Variants in RIMS1 observed in about 807,000 individuals in gnomAD.
RIMS1 encodes the protein regulating synaptic membrane exocytosis protein 1.
A neutral mutation model predicts 214.1 loss-of-function variants in RIMS1; 83 were observed. The ratio of observed to expected loss-of-function variants is 0.39; its 90% confidence interval spans 0.32 to 0.47. The LOEUF is 0.47. Ranked by LOEUF, RIMS1 falls within the 20% of genes least tolerant of loss-of-function variation. RIMS1 has a pLI of 0.99. For synonymous variants in RIMS1, 793 were observed against 786.8 expected (o/e 1.01, Z -0.13); for missense variants, 2,050 against 2,161.8 (o/e 0.95, Z 1.03).
At chr6:72,317,770 A>G (rs557579427) in intron 28 of RIMS1, among the ~76,000 whole-genome samples, 2 of 152,246 alleles carry the variant, frequency 1.3e-5, no homozygotes, top group East Asian at 3.9e-4. Flanking sequence ...TATTATCTAC[A>G]CTGTTCCGAA....
chr6:71,988,459 G>C (rs1800666626), intron 2 of RIMS1, among the ~76,000 whole-genome samples: 3 of 152,026 alleles, frequency 2.0e-5, no homozygotes, highest in Admixed American at 2.0e-4. Flanking sequence ...AAAAACTTGT[G>C]TGTTCTCATT....
At chr6:72,262,095 A>G (rs1440398580) in intron 19 of RIMS1, 6 of 984,908 alleles carry the variant, frequency 6.1e-6, no homozygotes, top group Non-Finnish European at 6.0e-6. Flanking sequence ...TTATATTTTA[A>G]GCTACTTAGT....
chr6:71,924,714 G>A (rs1021012486), intron 1 of RIMS1, among the ~76,000 whole-genome samples: 4 of 149,286 alleles, frequency 2.7e-5, no homozygotes, highest in Non-Finnish European at 5.9e-5. Flanking sequence ...GGCTCAGGTT[G>A]GAGGATGGTT....
At position 72,037,295 on chromosome 6, in the gene RIMS1, C is replaced by T. The variant is rs530522818; in HGVS notation, c.246-59654C>T. Among the ~76,000 whole-genome samples, 3 of 151,572 alleles carry T rather than the reference C, an allele frequency of 2.0e-5. No individual in the cohort carries two copies. In the East Asian group the frequency reaches 5.8e-4, roughly 29 times the overall value. ...AGTGGCATTTGGGGGCGTGTATAGGCAGGCATTAAAAAAAAGAGTTGGATA... is the reference window on the plus strand; with the variant it reads ...AGTGGCATTTGGGGGCGTGTATAGGTAGGCATTAAAAAAAAGAGTTGGATA... On this transcript the variant is annotated intron_variant, in intron 2 of 33. Coordinates refer to ENST00000521978, the MANE Select transcript of RIMS1 (RefSeq NM_014989.7).
chr6:72,385,763 A>G (rs1220956073), intron 29 of RIMS1, among the ~76,000 whole-genome samples: 1 of 152,236 alleles, frequency 6.6e-6, no homozygotes, highest in Non-Finnish European at 1.5e-5. Context: ...CCAGATTTAC[A>G]GTTTCCACAT....
At chr6:72,128,945 G>A (rs2040024028) in intron 4 of RIMS1, among the ~76,000 whole-genome samples, 1 of 152,112 alleles carries the variant, frequency 6.6e-6, no homozygotes, top group South Asian at 2.1e-4. Context: ...ATTGCATACA[G>A]TAATTCCAGA....
chr6:72,369,230 G>A (rs2098139283), intron 29 of RIMS1, among the ~76,000 whole-genome samples: 1 of 151,886 alleles, frequency 6.6e-6, no homozygotes, highest in South Asian at 2.1e-4. Flanking sequence ...AAGACCAATT[G>A]AAATAAGAAG....
chr6:72,090,108 C>T (rs2153791796), intron 2 of RIMS1, among the ~76,000 whole-genome samples: 1 of 151,496 alleles, frequency 6.6e-6, no homozygotes, highest in Admixed American at 6.6e-5. Context: ...CAGCATGGCA[C>T]ACGTATACAT....
At chr6:72,026,994 C>CT (rs1461469506) in intron 2 of RIMS1, among the ~76,000 whole-genome samples, 9 of 152,068 alleles carry the variant, frequency 5.9e-5, no homozygotes, top group African/African-American at 1.9e-4. Context: ...AGTTTAAGCT[C>CT]TAAATTCAGT....
intron 29 of RIMS1, among the ~76,000 whole-genome samples, chr6:72,342,798 A>G (rs1236928403): frequency 1.3e-5 from 2 of 151,980 alleles, no homozygotes; most frequent in East Asian, 3.9e-4. Flanking sequence ...CGATAATTCA[A>G]GAACACAAGT....
In RIMS1 at chr6:72,402,917, G is replaced by C. The variant is rs944430920; in HGVS notation, c.*2203G>C. 6.6e-6 allele frequency: 1 copy of C among 152,552 alleles called. No individual in the cohort carries two copies. The highest frequency in any genetic ancestry group is 1.5e-5 in the Non-Finnish European group (1 of 68,044). 9.4% of individuals were successfully genotyped at this position (152,552 alleles called of 1,614,324 possible). On this transcript the variant is annotated 3_prime_UTR_variant, in exon 34 of 34. Transcript: ENST00000521978. ...GAGGCTGGGGTTTGTTGTCTGCTGC[G>C]GGCATTTGACTTGACTTGTCACTGC...
intron 6 of RIMS1, among the ~76,000 whole-genome samples, chr6:72,184,771 A>AAG (rs1554264392): frequency 3.9e-5 from 6 of 152,102 alleles, no homozygotes; most frequent in South Asian, 2.1e-4. Flanking sequence ...GGGAAAAAAA[A>AAG]AAAAGTGCCA....
chr6:72,287,533 C>T (rs1380331434), intron 24 of RIMS1, among the ~76,000 whole-genome samples: 1 of 151,662 alleles, frequency 6.6e-6, no homozygotes, highest in African/African-American at 2.4e-5. Context: ...TAGATACATA[C>T]TTGAAGATGG....
At chr6:71,918,551 G>C (rs936630314) in intron 1 of RIMS1, among the ~76,000 whole-genome samples, 1 of 152,132 alleles carries the variant, frequency 6.6e-6, no homozygotes, top group Non-Finnish European at 1.5e-5. Flanking sequence ...TGGATGTAGA[G>C]GGGACAGCAG....
At chr6:72,363,964 A>G (rs2097908407) in intron 29 of RIMS1, among the ~76,000 whole-genome samples, 1 of 152,158 alleles carries the variant, frequency 6.6e-6, no homozygotes, top group Non-Finnish European at 1.5e-5. Context: ...GTGGGCTTAA[A>G]CACTCCAAGA....
chr6:72,022,052 A>G (rs1002355377), intron 2 of RIMS1, among the ~76,000 whole-genome samples: 1 of 152,212 alleles, frequency 6.6e-6, no homozygotes, highest in South Asian at 2.1e-4. Flanking sequence ...AGAGAGAAAG[A>G]ATGGATATTA....
At chr6:72,083,968 T>G (rs1228216455) in intron 2 of RIMS1, among the ~76,000 whole-genome samples, 1 of 152,184 alleles carries the variant, frequency 6.6e-6, no homozygotes, top group Non-Finnish European at 1.5e-5. Context: ...GGGTTGGTTT[T>G]TTTCCCTCTT....
Position 72,400,537 on chromosome 6 carries a change from C to T in RIMS1, c.4902C>T (p.Cys1634=). 6.2e-7 allele frequency: 1 copy of T among 1,613,972 alleles called. No individual in the cohort carries two copies. Among genetic ancestry groups the T allele is most frequent in the Non-Finnish European group, 8.5e-7 (1 of 1,179,906 alleles). ...WGDYGRMDHK[C]FMGVAQILLE... ...ACTATGGCAGAATGGACCACAAATG[C>T]TTTATGGGTGTGGCTCAGATCTTGT... is the stretch of plus-strand genomic sequence containing the variant. Residue 1634 remains cysteine (C), a synonymous_variant, in exon 34 of 34, where the codon TGC becomes TGT. Transcript: ENST00000521978.
At chr6:72,136,063 G>C (rs1285801561) in intron 4 of RIMS1, among the ~76,000 whole-genome samples, 2 of 152,120 alleles carry the variant, frequency 1.3e-5, no homozygotes, top group Non-Finnish European at 2.9e-5. Context: ...AATTAAAATA[G>C]ATTTGCAAAA....
Sources: allele counts gnomAD v4.1 joint callset (sites outside exome capture counted in the v4.1 genomes callset), GRCh38; gene constraint gnomAD v4.1.1; transcripts MANE v1.5; gene names NCBI Gene and HGNC (gene_info 2026-07-23, HGNC 2026-07-21).